The following MEIS1 variants were observed in gnomAD, a reference collection of about 807,000 sequenced individuals.
MEIS1 encodes Meis homeobox 1.
MEIS1 carries 5 observed loss-of-function variants against 50.8 expected under a neutral mutation model. The observed-to-expected ratio is 0.10, with a 90% CI of 0.05 to 0.21. The LOEUF is 0.21. MEIS1 is among the 10% of genes least tolerant of loss of function. The probability of loss-of-function intolerance (pLI) is 1.00; values close to 1 mark genes in which losing one functional copy is unlikely to be tolerated. For missense variants in MEIS1, 318 were observed against 517.3 expected (o/e 0.61, Z 3.74); for synonymous variants, 176 against 179.3 (o/e 0.98, Z 0.15).
At position 66,440,034 on chromosome 2, in the gene MEIS1, C is replaced by G; in HGVS notation, c.381+50C>G. ...TAAAAGAAACAAAAAGAGAGCCCCC[C>G]CTTCGCCAACACACACGCGCGCGCG... On this transcript the variant is annotated intron_variant, in intron 3 of 12. Coordinates refer to ENST00000272369, the MANE Select transcript of MEIS1 (RefSeq NM_002398.3). 4 of 1,541,132 alleles carry G rather than the reference C, an allele frequency of 2.6e-6. No homozygotes were observed. The South Asian group carries it at 4.8e-5, about 18-fold the overall frequency.
chr2:66,561,843 G>C (rs147857994), intron 9 of MEIS1, among the ~76,000 whole-genome samples: 1 of 152,198 alleles, frequency 6.6e-6, no homozygotes, highest in Admixed American at 6.5e-5. Context: ...ACGACGGGGG[G>C]TGAAGCAGAG....
At chr2:66,531,586 CCTTGT>C (rs1321500868) in intron 8 of MEIS1, among the ~76,000 whole-genome samples, 2 of 152,108 alleles carry the variant, frequency 1.3e-5, no homozygotes, top group Non-Finnish European at 2.9e-5. Context: ...ACATTTCTGC[CCTTGT>C]CTTTGGGAGT....
chr2:66,561,032 T>C (rs1016910956), intron 9 of MEIS1, among the ~76,000 whole-genome samples: 4 of 152,136 alleles, frequency 2.6e-5, no homozygotes, highest in Non-Finnish European at 5.9e-5. Flanking sequence ...AGAAAGGGAG[T>C]GTAGAAGACT....
Position 66,440,884 on chromosome 2 carries a change from G to A in MEIS1, c.432+272G>A, listed in dbSNP as rs180986339. On this transcript the variant is annotated intron_variant, in intron 4 of 12. Transcript: ENST00000272369. ...GGGCTGCGCAGCTCTAATCAGCGCG[G>A]GGATTTATCTCCCGGCCTGTCAGCA... 2.1e-3 allele frequency: 1,071 copies of A among 509,056 alleles called. 14 individuals carry two copies. The highest frequency in any genetic ancestry group is 0.019 in the African/African-American group (961 of 51,330). 31.5% of individuals were successfully genotyped at this position (509,056 alleles called of 1,614,324 possible).
intron 7 of MEIS1, among the ~76,000 whole-genome samples, chr2:66,485,502 A>G (rs574791652): frequency 6.6e-6 from 1 of 152,016 alleles, no homozygotes; most frequent in South Asian, 2.1e-4. Context: ...TCCTACATTG[A>G]TGGGCATTTG....
chr2:66,500,455 C>T (rs916647177), intron 7 of MEIS1, among the ~76,000 whole-genome samples: 1 of 152,102 alleles, frequency 6.6e-6, no homozygotes, highest in African/African-American at 2.4e-5. Context: ...GATGGAGTCT[C>T]GCTCTGTTAC....
At chr2:66,479,848 G>T (rs949377503) in intron 7 of MEIS1, among the ~76,000 whole-genome samples, 1 of 152,186 alleles carries the variant, frequency 6.6e-6, no homozygotes, top group Non-Finnish European at 1.5e-5. Context: ...AGACAGTAAG[G>T]CTCGGTAACC....
chr2:66,548,390 A>G (rs899940928), intron 9 of MEIS1, among the ~76,000 whole-genome samples: 8 of 152,162 alleles, frequency 5.3e-5, no homozygotes, highest in Non-Finnish European at 1.0e-4. Flanking sequence ...ACCATCACAT[A>G]TCAGTCAGGT....
At chr2:66,510,406 A>G (rs1274770900) in intron 7 of MEIS1, among the ~76,000 whole-genome samples, 1 of 152,222 alleles carries the variant, frequency 6.6e-6, no homozygotes, top group Non-Finnish European at 1.5e-5. Flanking sequence ...CAGAGAACAT[A>G]GCATTTTCTT....
At chr2:66,482,229 A>G (rs918982041) in intron 7 of MEIS1, among the ~76,000 whole-genome samples, 6 of 152,120 alleles carry the variant, frequency 3.9e-5, no homozygotes, top group South Asian at 2.1e-4. Context: ...TAGGTGGGAA[A>G]TTTTTCAAAC....
chr2:66,522,641 G>T (rs1245602074), intron 8 of MEIS1, among the ~76,000 whole-genome samples: 1 of 152,176 alleles, frequency 6.6e-6, no homozygotes. Flanking sequence ...TTTTGCACTT[G>T]GCTCCCCAGT....
chr2:66,568,705 A>C lies in MEIS1; in HGVS notation c.1063A>C (p.Met355Leu), dbSNP rs1357930820. 6.8e-6 allele frequency: 11 copies of C among 1,613,650 alleles called. No homozygotes were observed. The highest frequency in any genetic ancestry group is 9.3e-6 in the Non-Finnish European group (11 of 1,179,708). ...GTPYNPDGQP[M>L]GGFVMDGQQH... is the part of the protein sequence containing the mutation. ...ACCTTATAATCCTGATGGACAGCCC[A>C]TGGGAGGTTTCGTAATGGACGGTCA... Residue 355 changes from methionine (M) to leucine (L), a missense_variant, in exon 11 of 13, where the codon ATG becomes CTG. By Grantham distance (15) the Met-to-Leu change is conservative (BLOSUM62 2). This residue lies in a region of MEIS1 where 54 missense variants were observed against 75.0 expected (regional missense o/e 0.72). Coordinates refer to ENST00000272369, the MANE Select transcript of MEIS1 (RefSeq NM_002398.3).
At chr2:66,507,834 G>A (rs1430306032) in intron 7 of MEIS1, among the ~76,000 whole-genome samples, 2 of 152,210 alleles carry the variant, frequency 1.3e-5, no homozygotes, top group Non-Finnish European at 2.9e-5. Flanking sequence ...TTAAATAGGC[G>A]ACTCGGGATG....
At chr2:66,438,132 C>T (rs961374271) in intron 2 of MEIS1, among the ~76,000 whole-genome samples, 169 bp downstream of exon 2, 2 of 152,182 alleles carry the variant, frequency 1.3e-5, no homozygotes, top group East Asian at 3.9e-4. Context: ...ATCCCTGAAG[C>T]CCTACATCCC....
intron 7 of MEIS1, among the ~76,000 whole-genome samples, chr2:66,486,837 A>G (rs1673155252): frequency 6.6e-6 from 1 of 152,054 alleles, no homozygotes; most frequent in African/African-American, 2.4e-5. Context: ...TTGTATTTCT[A>G]GGTATTTTAT....
At chr2:66,526,111 G>C (rs981914573) in intron 8 of MEIS1, among the ~76,000 whole-genome samples, 1 of 152,216 alleles carries the variant, frequency 6.6e-6, no homozygotes, top group Non-Finnish European at 1.5e-5. Context: ...ATCCTGGAAG[G>C]AAGGTGAATT....
rs534141199 is a variant in MEIS1 at position 66,512,273 on chromosome 2, G to A, written c.867G>A (p.Ala289=). The A allele has an allele frequency of 6.8e-6, 11 of 1,611,962 alleles. No individual in the cohort carries two copies. Among genetic ancestry groups the A allele is most frequent in the Middle Eastern group, 3.3e-4 (2 of 6,058 alleles). ...AAGTAGCCACAAATATCATGAGGGC[G>A]TGGCTGTTCCAGCATCTAACAGTAA... ...FPKVATNIMR[A]WLFQHLTHPY... The change falls in exon 8 of 13, where the codon GCG becomes GCA. Residue 289 remains alanine, a synonymous_variant. Coordinates refer to ENST00000272369, the MANE Select transcript of MEIS1 (RefSeq NM_002398.3).
At chr2:66,569,173 A>C in intron 12 of MEIS1, 28 bp downstream of exon 12, 1 of 1,571,698 alleles carries the variant, frequency 6.4e-7, no homozygotes, top group Middle Eastern at 1.7e-4. Context: ...CTTTGTTTTC[A>C]CTTTGTCCTA....
At chr2:66,442,096 A>G (rs1386484125) in intron 5 of MEIS1, among the ~76,000 whole-genome samples, 1 of 152,158 alleles carries the variant, frequency 6.6e-6, no homozygotes, top group Non-Finnish European at 1.5e-5. Flanking sequence ...TGATTTTGCT[A>G]GCTGTTCTAT....
Sources: allele counts gnomAD v4.1 joint callset (sites outside exome capture counted in the v4.1 genomes callset), GRCh38; gene constraint gnomAD v4.1.1; regional missense constraint gnomAD v4.1.1; transcripts MANE v1.5; gene names NCBI Gene and HGNC (gene_info 2026-07-23, HGNC 2026-07-21).